Variants in TFEC observed in about 807,000 individuals in gnomAD.
The protein encoded by TFEC is class E basic helix-loop-helix protein 34.
TFEC carries 31 observed loss-of-function variants against 41.6 expected under a neutral mutation model. That is an observed-to-expected ratio of 0.74 (90% CI 0.56 to 1.01). The LOEUF (loss-of-function observed/expected upper bound fraction) is 1.01. TFEC is among the 50% of genes least tolerant of loss of function. The probability of loss-of-function intolerance (pLI) is 0.00; values close to 1 mark genes in which losing one functional copy is unlikely to be tolerated. For missense variants in TFEC, 402 were observed against 404.1 expected, an observed-to-expected ratio of 0.99 and a Z score of 0.04; for synonymous variants, 143 against 140.6, an observed-to-expected ratio of 1.02 and a Z score of -0.12.
At chr7:116,011,669 T>C (rs1184087513) in intron 1 of TFEC, among the ~76,000 whole-genome samples, 1 of 152,098 alleles carries the variant, frequency 6.6e-6, no homozygotes. Context: ...GGTTTTGACA[T>C]TTGCCTCCCA....
At chr7:115,947,869 G>A (rs949878245) in intron 6 of TFEC, among the ~76,000 whole-genome samples, 5 of 151,992 alleles carry the variant, frequency 3.3e-5, no homozygotes, top group African/African-American at 9.7e-5. Context: ...GAAGGAAATA[G>A]AGACACAAAA....
intron 1 of TFEC, among the ~76,000 whole-genome samples, chr7:116,131,729 A>G (rs1320364251): frequency 6.6e-6 from 1 of 152,174 alleles, no homozygotes; most frequent in Non-Finnish European, 1.5e-5. Flanking sequence ...TCTTGTTTCT[A>G]TCATCATCTC....
chr7:116,103,556 T>C (rs1797650268), intron 3 of TFEC, among the ~76,000 whole-genome samples: 1 of 152,166 alleles, frequency 6.6e-6, no homozygotes, highest in Non-Finnish European at 1.5e-5. Flanking sequence ...TTAGTTTCTA[T>C]AGTTAAATAT....
At chr7:116,142,928 G>A (rs1330299906) in intron 1 of TFEC, among the ~76,000 whole-genome samples, 2 of 152,146 alleles carry the variant, frequency 1.3e-5, no homozygotes, top group African/African-American at 2.4e-5. Context: ...ATAGACCACC[G>A]ATTATTTATA....
intron 1 of TFEC, among the ~76,000 whole-genome samples, chr7:116,139,440 C>T (rs932749073): frequency 2.0e-5 from 3 of 152,210 alleles, no homozygotes; most frequent in Non-Finnish European, 4.4e-5. Flanking sequence ...CTTCTCCGTT[C>T]AAGAGCCACT....
intron 3 of TFEC, among the ~76,000 whole-genome samples, chr7:116,069,290 T>A (rs1411698801): frequency 6.6e-6 from 1 of 151,508 alleles, no homozygotes; most frequent in Admixed American, 6.6e-5. Context: ...AATGAAGAGA[T>A]AATGAGAGTA....
intron 6 of TFEC, among the ~76,000 whole-genome samples, chr7:115,945,138 G>A (rs1042333283): frequency 3.1e-5 from 3 of 96,262 alleles, no homozygotes; most frequent in Non-Finnish European, 8.1e-5. Flanking sequence ...ATCTTGTATG[G>A]TCTTTTTTTT....
At chr7:116,129,688 G>A (rs1798292592) in intron 1 of TFEC, among the ~76,000 whole-genome samples, 1 of 149,480 alleles carries the variant, frequency 6.7e-6, no homozygotes, top group Admixed American at 6.7e-5. Context: ...TGCCTCCCAG[G>A]TTCAAGCAAT....
At chr7:115,968,083 C>T (rs991566880) in intron 3 of TFEC, 1 of 1,212,056 alleles carries the variant, frequency 8.3e-7, no homozygotes, top group African/African-American at 1.5e-5. Flanking sequence ...TCAATGTTCA[C>T]ATACCTTATT....
intron 1 of TFEC, among the ~76,000 whole-genome samples, chr7:116,139,007 G>A (rs969477530): frequency 5.3e-5 from 8 of 152,030 alleles, no homozygotes; most frequent in Non-Finnish European, 1.0e-4. Flanking sequence ...AGCCCAGTGA[G>A]CCCATATTAC....
chr7:115,966,095 C>T (rs2130531196), intron 3 of TFEC, among the ~76,000 whole-genome samples: 1 of 151,810 alleles, frequency 6.6e-6, no homozygotes, highest in African/African-American at 2.4e-5. Context: ...TTCTCCCAGT[C>T]AAAAAATCTG....
chr7:116,115,111 T>G (rs1226378741), intron 1 of TFEC, among the ~76,000 whole-genome samples: 1 of 152,030 alleles, frequency 6.6e-6, no homozygotes, highest in Non-Finnish European at 1.5e-5. Context: ...TGGAACCTTC[T>G]GGATGTTAAG....
intron 3 of TFEC, among the ~76,000 whole-genome samples, chr7:115,958,370 T>G (rs1207500564): frequency 6.6e-6 from 1 of 151,946 alleles, no homozygotes; most frequent in Non-Finnish European, 1.5e-5. Flanking sequence ...GAAAGGCCTG[T>G]TGGTTATGAG....
intron 1 of TFEC, among the ~76,000 whole-genome samples, chr7:116,134,405 C>T (rs1798396006): frequency 6.6e-6 from 1 of 152,124 alleles, no homozygotes; most frequent in South Asian, 2.1e-4. Context: ...ATCAATTACA[C>T]ATTGTACACA....
chr7:116,002,754 A>C (rs1794646099), intron 1 of TFEC, among the ~76,000 whole-genome samples: 1 of 152,126 alleles, frequency 6.6e-6, no homozygotes, highest in South Asian at 2.1e-4. Context: ...TATTCATTTT[A>C]TGCTTGTATC....
intron 1 of TFEC, among the ~76,000 whole-genome samples, chr7:116,003,485 T>C (rs1316370900): frequency 6.6e-6 from 1 of 151,880 alleles, no homozygotes; most frequent in East Asian, 1.9e-4. Flanking sequence ...TCAAAACACA[T>C]GATCCAAAAA....
intron 1 of TFEC, among the ~76,000 whole-genome samples, chr7:116,126,663 G>A (rs978411899): frequency 6.6e-6 from 1 of 151,568 alleles, no homozygotes; most frequent in Admixed American, 6.6e-5. Context: ...AGCGTGGATA[G>A]AAAAAAGGAC....
chr7:115,975,819 C>A (rs62477238), intron 2 of TFEC, among the ~76,000 whole-genome samples: 20,848 of 152,090 alleles, frequency 0.14, 1,928 homozygotes, highest in Non-Finnish European at 0.21. Context: ...CAATAAGAAA[C>A]ACCTAAAGTA....
intron 1 of TFEC, among the ~76,000 whole-genome samples, chr7:116,149,544 T>C (rs1167613487): frequency 1.3e-5 from 2 of 152,198 alleles, no homozygotes; most frequent in Non-Finnish European, 2.9e-5. Flanking sequence ...GAGATTATTC[T>C]GATATTATAA....
Sources: gnomAD v4.1 joint callset for allele counts (sites outside exome capture counted in the v4.1 genomes callset) on GRCh38, gnomAD v4.1.1 for gene constraint, MANE v1.5 for transcripts, NCBI Gene and HGNC (gene_info 2026-07-23, HGNC 2026-07-21) for gene names.